The following RAVER2 variants were observed in gnomAD, a reference collection of about 807,000 sequenced individuals.
RAVER2 encodes the protein ribonucleoprotein PTB-binding 2.
Under a neutral mutation model 78.1 loss-of-function variants are expected in RAVER2, and 46 were observed. That is an observed-to-expected ratio of 0.59 (90% confidence interval 0.46 to 0.75). The LOEUF is 0.75. Ranked by LOEUF, RAVER2 falls within the 30% of genes least tolerant of loss-of-function variation. The probability of loss-of-function intolerance (pLI) is 0.00; values close to 1 mark genes in which losing one functional copy is unlikely to be tolerated. For missense variants in RAVER2, 793 were observed against 837.5 expected (o/e 0.95, Z 0.66); for synonymous variants, 311 against 313.3 (o/e 0.99, Z 0.08).
intron 1 of RAVER2, among the ~76,000 whole-genome samples, chr1:64,766,055 G>A (rs1409599068): frequency 6.6e-6 from 1 of 152,126 alleles, no homozygotes; most frequent in African/African-American, 2.4e-5. Context: ...TGCCATGGAA[G>A]CTATTGATCG....
intron 4 of RAVER2, among the ~76,000 whole-genome samples, chr1:64,786,488 A>G (rs907978823): frequency 6.6e-6 from 1 of 152,040 alleles, no homozygotes; most frequent in Non-Finnish European, 1.5e-5. Context: ...CTTTAATTGG[A>G]TCTTTAAGAT....
intron 4 of RAVER2, 42 bp from the exon 5 acceptor site, chr1:64,789,346 C>T: frequency 1.3e-6 from 2 of 1,513,408 alleles, no homozygotes; most frequent in South Asian, 1.4e-5. Context: ...TGTCTTTGTA[C>T]TTATGCTGTT....
intron 9 of RAVER2, among the ~76,000 whole-genome samples, chr1:64,809,419 C>T (rs1436438112): frequency 6.6e-6 from 1 of 151,960 alleles, no homozygotes; most frequent in Non-Finnish European, 1.5e-5. Context: ...TTTAGACCTG[C>T]ATCTTTAATA....
At chr1:64,765,087 G>T (rs1652138043) in intron 1 of RAVER2, among the ~76,000 whole-genome samples, 1 of 152,170 alleles carries the variant, frequency 6.6e-6, no homozygotes. Flanking sequence ...CCATTAAATT[G>T]ACACAACTTA....
chr1:64,750,731 T>A, intron 1 of RAVER2, among the ~76,000 whole-genome samples: 1 of 152,224 alleles, frequency 6.6e-6, no homozygotes, highest in East Asian at 1.9e-4. Context: ...GTGTTTTCTC[T>A]TTTTGAAATT....
At chr1:64,764,980 A>G (rs1022786560) in intron 1 of RAVER2, among the ~76,000 whole-genome samples, 17 of 152,246 alleles carry the variant, frequency 1.1e-4, no homozygotes, top group Non-Finnish European at 1.6e-4. Context: ...TGGACACTGT[A>G]GCTAAATTGA....
At chr1:64,802,619 T>C (rs1653300360) in intron 5 of RAVER2, among the ~76,000 whole-genome samples, 2 of 152,334 alleles carry the variant, frequency 1.3e-5, no homozygotes, top group Admixed American at 1.3e-4. Flanking sequence ...TCCTACCCTC[T>C]GCCAAAATCC....
chr1:64,761,018 A>C (rs1028696033), intron 1 of RAVER2, among the ~76,000 whole-genome samples: 2 of 152,202 alleles, frequency 1.3e-5, no homozygotes, highest in African/African-American at 4.8e-5. Context: ...TCATCTTTAA[A>C]ATCTGGATGA....
intron 3 of RAVER2, 91 bp from the exon 4 acceptor site, chr1:64,781,289 C>A: frequency 8.3e-7 from 1 of 1,197,630 alleles, no homozygotes; most frequent in Non-Finnish European, 1.1e-6. Context: ...TGCTCCAATG[C>A]ACTTGTTCTT....
rs372213868 is a variant in RAVER2, at chr1:64,833,048, T to TATCA, written c.*2068_*2071dup. 139 of 177,126 alleles carry TATCA rather than the reference T, an allele frequency of 7.8e-4. 1 individual carries two copies. The East Asian group carries it at 0.01, about 13-fold the overall frequency. The allele number at this position is 177,126 out of a possible 1,614,324, so 11.0% of individuals were successfully genotyped here. A position where few individuals can be genotyped will look rare whatever the true frequency, so the allele number is the denominator to read the frequency against. On this transcript the variant is annotated 3_prime_UTR_variant, in exon 12 of 12. Transcript: ENST00000294428. ...CCATCCATACTGGCCTGTGCCCCGT[T>TATCA]ATCAATCACTGGGCACAACAGTGAA...
chr1:64,809,612 T>C (rs1270170668), intron 9 of RAVER2, among the ~76,000 whole-genome samples: 4 of 152,172 alleles, frequency 2.6e-5, no homozygotes, highest in African/African-American at 9.6e-5. Flanking sequence ...TGGTAAAATA[T>C]ACATAACATA....
intron 1 of RAVER2, among the ~76,000 whole-genome samples, chr1:64,747,819 T>G (rs899879845): frequency 6.6e-6 from 1 of 152,122 alleles, no homozygotes; most frequent in Non-Finnish European, 1.5e-5. Context: ...CTGGCCTCAT[T>G]TCTTTATTTT....
intron 2 of RAVER2, among the ~76,000 whole-genome samples, chr1:64,772,131 C>A (rs1432283862): frequency 6.6e-6 from 1 of 152,102 alleles, no homozygotes. Context: ...ACAGCCTTTT[C>A]TCTGTAGAGT....
Position 64,785,761 on chromosome 1 carries a change from A to G in RAVER2, c.979-3627A>G, listed in dbSNP as rs562891312. ...CCATCTGCTTCCTCCTTCCTACCAT[A>G]CCTATCATCATATTGGTGTCTGCCT... On this transcript the variant is annotated intron_variant, in intron 4 of 11. Coordinates refer to ENST00000294428, the Ensembl canonical transcript of RAVER2. Among the ~76,000 whole-genome samples, 10 of 151,942 alleles carry G rather than the reference A, an allele frequency of 6.6e-5. No individual in the cohort carries two copies. The South Asian group carries it at 2.1e-3, about 32-fold the overall frequency.
intron 1 of RAVER2, among the ~76,000 whole-genome samples, chr1:64,756,226 T>A (rs72918069): frequency 0.022 from 3,397 of 152,248 alleles, 147 homozygotes; most frequent in African/African-American, 0.078. Flanking sequence ...AAAGTTCACT[T>A]TGATCACTTT....
chr1:64,812,030 A>C (rs1008353252), intron 9 of RAVER2, among the ~76,000 whole-genome samples: 1 of 152,226 alleles, frequency 6.6e-6, no homozygotes, highest in East Asian at 1.9e-4. Context: ...TTTGGTCATA[A>C]AATATAAAAA....
At chr1:64,755,108 C>T (rs1448360644) in intron 1 of RAVER2, among the ~76,000 whole-genome samples, 1 of 152,136 alleles carries the variant, frequency 6.6e-6, no homozygotes, top group Non-Finnish European at 1.5e-5. Context: ...TGTAATATTT[C>T]CTCCTTAACA....
intron 5 of RAVER2, among the ~76,000 whole-genome samples, chr1:64,795,666 A>G (rs1487853841): frequency 6.6e-6 from 1 of 152,056 alleles, no homozygotes; most frequent in African/African-American, 2.4e-5. Context: ...CTTATATCCT[A>G]CAGTCTTGCT....
rs551902146 is a variant in RAVER2 at position 64,811,578 on chromosome 1, A to ATG, written c.1681-1158_1681-1157dup. Among the ~76,000 whole-genome samples the ATG allele has an allele frequency of 1.9e-4, 29 of 152,338 alleles. No individual in the cohort carries two copies. The South Asian group carries it at 5.8e-3, about 31-fold the overall frequency. Reference sequence around the variant, plus strand: ...GACAGATCCATATTGTAAACAAATGATGTAATTTATGGTATTGATAAATAC... The same window carrying ATG: ...GACAGATCCATATTGTAAACAAATGATGTGTAATTTATGGTATTGATAAATAC... On this transcript the variant is annotated intron_variant, in intron 9 of 11. Coordinates refer to ENST00000294428, the Ensembl canonical transcript of RAVER2.
Sources: allele counts gnomAD v4.1 joint callset (sites outside exome capture counted in the v4.1 genomes callset), GRCh38; gene constraint gnomAD v4.1.1; transcripts MANE v1.5; gene names NCBI Gene and HGNC (gene_info 2026-07-23, HGNC 2026-07-21).